The following PCDH11X variants were observed in gnomAD, a reference collection of about 807,000 sequenced individuals.
PCDH11X encodes protocadherin-11 X-linked.
In PCDH11X, 18 loss-of-function variants were observed where a neutral mutation model predicts 53.3. The ratio of observed to expected loss-of-function variants is 0.34; its 90% CI spans 0.23 to 0.50. The LOEUF is 0.50. Ranked by LOEUF, PCDH11X falls within the 20% of genes least tolerant of loss-of-function variation. The pLI is 0.98. For missense variants in PCDH11X, 570 were observed against 1,032.4 expected (o/e 0.55, Z 6.14); for synonymous variants, 279 against 393.3 (o/e 0.71, Z 3.44).
intron 4 of PCDH11X, among the ~76,000 whole-genome samples, chrX:91,817,032 G>A (rs1308213683): frequency 9.2e-6 from 1 of 108,382 alleles, no homozygotes; most frequent in Admixed American, 1.0e-4. Context: ...AACTCCTATC[G>A]ACCCTACCCA....
At chrX:91,938,839 A>G (rs1316486446) in intron 6 of PCDH11X, among the ~76,000 whole-genome samples, 1 of 110,875 alleles carries the variant, frequency 9.0e-6, no homozygotes, top group Non-Finnish European at 1.9e-5. Flanking sequence ...CTACTAACAA[A>G]TAACAAAAAG....
intron 9 of PCDH11X, among the ~76,000 whole-genome samples, chrX:92,412,534 T>G (rs866216285): frequency 2.0e-5 from 1 of 49,634 alleles, no homozygotes. Flanking sequence ...TATATATATA[T>G]ATATATATAT....
At chrX:92,228,091 G>A (rs952473520) in intron 7 of PCDH11X, among the ~76,000 whole-genome samples, 7 of 111,529 alleles carry the variant, frequency 6.3e-5, no homozygotes, top group African/African-American at 2.0e-4. Context: ...AGGGAAGGTA[G>A]TCTTACCAAC....
chrX:92,032,597 A>T (rs1432971026), intron 6 of PCDH11X, among the ~76,000 whole-genome samples: 3 of 110,957 alleles, frequency 2.7e-5, no homozygotes, highest in Non-Finnish European at 5.7e-5. Flanking sequence ...TTTCCCATTC[A>T]GTATGATACT....
At chrX:91,917,725 T>C (rs1313175521) in intron 6 of PCDH11X, among the ~76,000 whole-genome samples, 2 of 104,509 alleles carry the variant, frequency 1.9e-5, no homozygotes, top group Non-Finnish European at 3.9e-5. Flanking sequence ...GTAGAATCAA[T>C]ATTGTGAAAA....
intron 6 of PCDH11X, among the ~76,000 whole-genome samples, chrX:91,963,889 G>A (rs1484131028): frequency 9.1e-6 from 1 of 109,825 alleles, no homozygotes; most frequent in Admixed American, 9.6e-5. Flanking sequence ...ACAAGGAAAA[G>A]CCCCTTATAA....
intron 8 of PCDH11X, among the ~76,000 whole-genome samples, chrX:92,306,064 G>T (rs1182741587): frequency 9.0e-6 from 1 of 111,520 alleles, no homozygotes; most frequent in Non-Finnish European, 1.9e-5. Flanking sequence ...ATTATACAAA[G>T]TATCCTTTTC....
intron 7 of PCDH11X, among the ~76,000 whole-genome samples, chrX:92,218,168 C>G (rs1041948838): frequency 6.3e-5 from 7 of 110,603 alleles, no homozygotes; most frequent in Non-Finnish European, 1.3e-4. Context: ...CATTCAAAAG[C>G]TAGCAGAAGG....
intron 8 of PCDH11X, among the ~76,000 whole-genome samples, chrX:92,300,615 T>C (rs1435636704): frequency 4.5e-5 from 5 of 110,402 alleles, no homozygotes; most frequent in African/African-American, 1.7e-4. Context: ...GTAGCTGGGA[T>C]TACAGGTGCC....
intron 4 of PCDH11X, among the ~76,000 whole-genome samples, chrX:91,822,760 G>C (rs1238451628): frequency 9.0e-6 from 1 of 110,976 alleles, no homozygotes; most frequent in Non-Finnish European, 1.9e-5. Flanking sequence ...TTTTAATTAT[G>C]ATACTAGGGT....
At chrX:92,250,296 C>T (rs1392421668) in intron 7 of PCDH11X, among the ~76,000 whole-genome samples, 1 of 110,284 alleles carries the variant, frequency 9.1e-6, no homozygotes, top group African/African-American at 3.3e-5. Flanking sequence ...AACAAATTAC[C>T]TTGTTGGTGA....
chrX:92,105,410 C>T (rs1461915887), intron 6 of PCDH11X, among the ~76,000 whole-genome samples: 2 of 110,150 alleles, frequency 1.8e-5, no homozygotes, highest in African/African-American at 6.6e-5. Context: ...AAGGGAGGTC[C>T]CTCGATCTGA....
chrX:92,077,948 C>T (rs2063800652), intron 6 of PCDH11X, among the ~76,000 whole-genome samples: 1 of 109,456 alleles, frequency 9.1e-6, no homozygotes, highest in Non-Finnish European at 1.9e-5. Context: ...CAGATTTAGA[C>T]TGTCATATTT....
intron 6 of PCDH11X, chrX:91,982,817 A>AG (rs1382834496): frequency 1.2e-6 from 1 of 801,917 alleles, no homozygotes; most frequent in Non-Finnish European, 1.9e-6. Context: ...AGCAGGCTTC[A>AG]GGGTCAATCA....
At chrX:92,046,469 T>G (rs1282007835) in intron 6 of PCDH11X, among the ~76,000 whole-genome samples, 1 of 111,681 alleles carries the variant, frequency 9.0e-6, no homozygotes, top group Non-Finnish European at 1.9e-5. Context: ...TTCCAAAATA[T>G]AATCTTTGGA....
At chrX:92,356,079 T>C (rs1327020508) in intron 8 of PCDH11X, among the ~76,000 whole-genome samples, 1 of 111,953 alleles carries the variant, frequency 8.9e-6, no homozygotes, top group African/African-American at 3.2e-5. Context: ...TCAACTTGTA[T>C]TCCCCAGAGG....
chrX:91,954,326 A>G (rs1300914420), intron 6 of PCDH11X, among the ~76,000 whole-genome samples: 2 of 111,495 alleles, frequency 1.8e-5, no homozygotes, highest in Non-Finnish European at 1.9e-5. Flanking sequence ...TCCATGGTGT[A>G]TATGTACCAC....
intron 7 of PCDH11X, among the ~76,000 whole-genome samples, chrX:92,261,094 A>G (rs1397294518): frequency 9.1e-6 from 1 of 110,070 alleles, no homozygotes; most frequent in Non-Finnish European, 1.9e-5. Context: ...ATGTTTCTAT[A>G]ATCAAATCGG....
intron 9 of PCDH11X, among the ~76,000 whole-genome samples, chrX:92,415,685 AG>A (rs60342676): frequency 0.025 from 2,669 of 107,173 alleles, 38 homozygotes; most frequent in South Asian, 0.093. Flanking sequence ...TTTTAAGAAA[AG>A]AAAAATAATA....
Sources: allele counts gnomAD v4.1 joint callset (sites outside exome capture counted in the v4.1 genomes callset), GRCh38; gene constraint gnomAD v4.1.1; transcripts MANE v1.5; gene names NCBI Gene and HGNC (gene_info 2026-07-23, HGNC 2026-07-21).